The following CLYBL variants were observed in gnomAD, a reference collection of about 807,000 sequenced individuals.
The protein encoded by CLYBL is citramalyl-CoA lyase, mitochondrial.
A neutral mutation model predicts 38.9 loss-of-function variants in CLYBL; 31 were observed. The ratio of observed to expected loss-of-function variants is 0.80; its 90% CI spans 0.60 to 1.08. CLYBL has a LOEUF of 1.08. Among genes scored for constraint, CLYBL ranks in the 50% least tolerant of loss-of-function variants. The pLI, the probability that CLYBL is intolerant of heterozygous loss-of-function variation, is 0.00. For missense variants in CLYBL, 434 were observed against 411.6 expected (o/e 1.05, Z -0.47); for synonymous variants, 171 against 158.6 (o/e 1.08, Z -0.59).
chr13:99,721,431 C>A (rs1372950930), intron 1 of CLYBL, among the ~76,000 whole-genome samples: 2 of 151,160 alleles, frequency 1.3e-5, no homozygotes, highest in Non-Finnish European at 3.0e-5. Context: ...CTGTTTGGTT[C>A]TCTTTCAAAT....
chr13:99,804,991 T>C (rs1043380824), intron 2 of CLYBL, among the ~76,000 whole-genome samples: 19 of 152,216 alleles, frequency 1.2e-4, no homozygotes, highest in African/African-American at 4.6e-4. Flanking sequence ...TCTAGATACC[T>C]CATAGAAGTG....
chr13:99,709,066 C>T (rs991857987), intron 1 of CLYBL, among the ~76,000 whole-genome samples: 3 of 151,814 alleles, frequency 2.0e-5, no homozygotes, highest in African/African-American at 7.3e-5. Context: ...GCACTCCAGC[C>T]TGGGCGGCAG....
intron 2 of CLYBL, among the ~76,000 whole-genome samples, chr13:99,791,331 C>G (rs2138889786): frequency 6.7e-6 from 1 of 149,910 alleles, no homozygotes; most frequent in Admixed American, 6.7e-5. Context: ...TTTGTAAACT[C>G]TGAAATGCTA....
chr13:99,808,756 TTGAATTGGTAATTTTAA>T (rs1195209545), intron 2 of CLYBL, among the ~76,000 whole-genome samples: 1 of 152,256 alleles, frequency 6.6e-6, no homozygotes, highest in African/African-American at 2.4e-5. Context: ...AGGTGAATTT[TTGAATTGGTAATTTTAA>T]TGAATTTAAT....
chr13:99,660,247 G>C (rs2047389496), intron 1 of CLYBL, among the ~76,000 whole-genome samples: 1 of 152,196 alleles, frequency 6.6e-6, no homozygotes. Context: ...ATGAAAGATT[G>C]CAGGAAGCCG....
intron 9 of CLYBL, among the ~76,000 whole-genome samples, chr13:99,907,604 T>TCCCC (rs2052709840): frequency 6.6e-6 from 1 of 152,184 alleles, no homozygotes; most frequent in Non-Finnish European, 1.5e-5. Flanking sequence ...ACACCTGTAA[T>TCCCC]CCCAGAGACT....
At chr13:99,731,969 A>C (rs1341139761) in intron 1 of CLYBL, among the ~76,000 whole-genome samples, 1 of 152,094 alleles carries the variant, frequency 6.6e-6, no homozygotes, top group Non-Finnish European at 1.5e-5. Context: ...CAGGGCATAC[A>C]GGCATCCCTG....
chr13:99,790,083 A>G (rs1192803074), intron 2 of CLYBL, among the ~76,000 whole-genome samples: 2 of 151,840 alleles, frequency 1.3e-5, no homozygotes, highest in Admixed American at 6.6e-5. Context: ...TTTTGAGCTT[A>G]TGTGTGTCTC....
intron 1 of CLYBL, among the ~76,000 whole-genome samples, chr13:99,718,239 A>T (rs1385432454): frequency 6.6e-6 from 1 of 152,086 alleles, no homozygotes; most frequent in Non-Finnish European, 1.5e-5. Context: ...TCACTTAGGG[A>T]GTAAATGATT....
At chr13:99,813,346 C>T (rs763717009) in intron 2 of CLYBL, among the ~76,000 whole-genome samples, 10 of 152,110 alleles carry the variant, frequency 6.6e-5, no homozygotes, top group South Asian at 2.1e-4. Context: ...ATGACAGTGC[C>T]GTCTTCACAT....
At chr13:99,624,689 G>A (rs1181047123) in intron 1 of CLYBL, among the ~76,000 whole-genome samples, 6 of 152,116 alleles carry the variant, frequency 3.9e-5, no homozygotes, top group African/African-American at 1.2e-4. Flanking sequence ...AGATATCCCC[G>A]GGAGAGCTTG....
At chr13:99,812,856 G>C (rs536684783) in intron 2 of CLYBL, among the ~76,000 whole-genome samples, 2 of 152,290 alleles carry the variant, frequency 1.3e-5, no homozygotes, top group Non-Finnish European at 2.9e-5. Flanking sequence ...GGGGCCAAGG[G>C]GGGGCCCTGT....
At chr13:99,866,466 A>G in intron 6 of CLYBL, 59 bp downstream of exon 6, 1 of 1,524,916 alleles carries the variant, frequency 6.6e-7, no homozygotes, top group Non-Finnish European at 8.9e-7. Flanking sequence ...GAAAAATAGA[A>G]ATTTGACCCG....
At chr13:99,783,810 C>T (rs1220990878) in intron 2 of CLYBL, 1 of 152,094 alleles carries the variant, frequency 6.6e-6, no homozygotes, top group African/African-American at 2.4e-5. Context: ...TTTACTTTCC[C>T]TCATCAACAA....
rs138701079 is a variant in CLYBL at position 99,683,123 on chromosome 13, C to G, written c.62+76366C>G. Among the ~76,000 whole-genome samples, 68 of 151,678 alleles carry G rather than the reference C, an allele frequency of 4.5e-4. No homozygotes were observed. In the East Asian group the frequency reaches 0.011, roughly 25 times the overall value. On this transcript the variant is annotated intron_variant, in intron 1 of 8. Transcript: ENST00000339105. ...TTGAGATGGAGTCTTGCTCTGTCAC[C>G]CAGGCTGGAGTGCAGTGGCACAATC...
intron 1 of CLYBL, among the ~76,000 whole-genome samples, chr13:99,628,006 T>C (rs962693766): frequency 2.0e-5 from 3 of 152,236 alleles, no homozygotes; most frequent in African/African-American, 7.2e-5. Flanking sequence ...TTGTGTGTTA[T>C]TAAAACTTCA....
rs751419507 is a variant in CLYBL, at chr13:99,891,371, C to G, written c.981C>G (p.Ala327=). 1 of 1,613,838 alleles carries G rather than the reference C, an allele frequency of 6.2e-7. No individual in the cohort carries two copies. Among genetic ancestry groups the G allele is most frequent in the Non-Finnish European group, 8.5e-7 (1 of 1,179,830 alleles). ...SMIDMPLLKQ[A]QNTVTLATSI... is the part of the protein sequence containing the mutation. ...TCGACATGCCATTACTGAAGCAGGC[C>G]CAGAACACTGTTACGCTTGCCACCT... Residue 327 remains alanine, a synonymous_variant, in exon 8 of 9, where the codon GCC becomes GCG. Coordinates refer to ENST00000339105, the MANE Select transcript of CLYBL (RefSeq NM_206808.5).
At chr13:99,854,840 C>T (rs776422753) in intron 2 of CLYBL, among the ~76,000 whole-genome samples, 8 of 152,172 alleles carry the variant, frequency 5.3e-5, no homozygotes, top group Admixed American at 1.3e-4. Context: ...AATCATAGCA[C>T]GCCTTGGTTC....
chr13:99,725,683 G>A (rs1027414930), intron 1 of CLYBL, among the ~76,000 whole-genome samples: 4 of 152,162 alleles, frequency 2.6e-5, no homozygotes, highest in African/African-American at 9.7e-5. Context: ...GAAAATGTAC[G>A]TAATGTTTAT....
Sources: gnomAD v4.1 joint callset for allele counts (sites outside exome capture counted in the v4.1 genomes callset) on GRCh38, gnomAD v4.1.1 for gene constraint, MANE v1.5 for transcripts, NCBI Gene and HGNC (gene_info 2026-07-23, HGNC 2026-07-21) for gene names.